Variants in KLF12 observed in about 807,000 individuals in gnomAD.
KLF12 encodes KLF transcription factor 12, also known as Krueppel-like factor 12.
KLF12 carries 9 observed loss-of-function variants against 37.8 expected under a neutral mutation model. That is an observed-to-expected ratio of 0.24 (90% CI 0.14 to 0.42). The LOEUF is 0.42. Among genes scored for constraint, KLF12 ranks in the 10% least tolerant of loss-of-function variants. The pLI is 1.00. For synonymous variants in KLF12, 208 were observed against 202.1 expected, an observed-to-expected ratio of 1.03 and a Z score of -0.25; for missense variants, 411 against 516.0, an observed-to-expected ratio of 0.80 and a Z score of 1.97.
At chr13:74,283,986 T>C in the KLF12 span, among the ~76,000 whole-genome samples, 1 of 151,708 alleles carries the variant, frequency 6.6e-6, no homozygotes. Context: ...CAGCCTCCCG[T>C]AGCTGGGATT....
chr13:74,134,239 T>C (rs1026875197), upstream of KLF12, among the ~76,000 whole-genome samples: 1 of 150,796 alleles, frequency 6.6e-6, no homozygotes, highest in Non-Finnish European at 1.5e-5. Context: ...CGGGTCCTCC[T>C]CCCCAGAAAC....
intron 5 of KLF12, 32 bp from the exon 6 acceptor site, chr13:73,765,032 A>C (rs1323746742): frequency 7.5e-7 from 1 of 1,328,694 alleles, no homozygotes; most frequent in Non-Finnish European, 1.1e-6. Flanking sequence ...CCAGTCATTG[A>C]AAAAGCATAT....
chr13:74,153,271 C>T, the KLF12 span, among the ~76,000 whole-genome samples: 25 of 152,240 alleles, frequency 1.6e-4, no homozygotes, highest in East Asian at 3.5e-3. Context: ...GTTTCAAATC[C>T]GTCAGCTCAT....
upstream of KLF12, among the ~76,000 whole-genome samples, chr13:74,134,834 C>T (rs1372631568): frequency 1.3e-5 from 2 of 152,018 alleles, no homozygotes; most frequent in African/African-American, 2.4e-5. Flanking sequence ...GGCCCCCACC[C>T]CTCGCCGCAC....
the KLF12 span, among the ~76,000 whole-genome samples, chr13:74,230,166 C>T: frequency 6.6e-6 from 1 of 152,126 alleles, no homozygotes; most frequent in Non-Finnish European, 1.5e-5. Flanking sequence ...GGCAGTTCCC[C>T]TGATGCTATT....
At chr13:73,992,666 A>G (rs1891999758) in intron 2 of KLF12, among the ~76,000 whole-genome samples, 1 of 152,242 alleles carries the variant, frequency 6.6e-6, no homozygotes. Context: ...CGTACAAAAC[A>G]GTTGTAAAAG....
intron 5 of KLF12, among the ~76,000 whole-genome samples, chr13:73,810,982 C>CTTTTT (rs376490803): frequency 1.2e-3 from 54 of 44,804 alleles, no homozygotes; most frequent in Admixed American, 1.6e-3. Context: ...ATTTTTCTTT[C>CTTTTT]TTTTTTTTTT....
chr13:73,897,826 A>G (rs188900112), intron 3 of KLF12, among the ~76,000 whole-genome samples: 46 of 152,328 alleles, frequency 3.0e-4, no homozygotes, highest in African/African-American at 1.1e-3. Context: ...GCCTCTATTA[A>G]AAAATGTTTT....
chr13:73,874,341 CCT>C (rs1886605243), intron 3 of KLF12, among the ~76,000 whole-genome samples: 1 of 152,136 alleles, frequency 6.6e-6, no homozygotes, highest in Non-Finnish European at 1.5e-5. Context: ...TGACACTTCC[CCT>C]GTGAAACATT....
chr13:73,762,038 A>G (rs1307853450), intron 6 of KLF12, among the ~76,000 whole-genome samples: 3 of 152,194 alleles, frequency 2.0e-5, no homozygotes, highest in Non-Finnish European at 4.4e-5. Flanking sequence ...AATTAATTCA[A>G]TACTAAATGA....
intron 5 of KLF12, among the ~76,000 whole-genome samples, chr13:73,803,772 T>TCACACACACACA (rs4053528): frequency 5.6e-5 from 8 of 141,950 alleles, no homozygotes; most frequent in South Asian, 2.4e-4. Context: ...TACTGCAGAG[T>TCACACACACACA]CACACACACA....
the KLF12 span, among the ~76,000 whole-genome samples, chr13:74,293,558 G>T: frequency 0.066 from 10,060 of 152,170 alleles, 761 homozygotes; most frequent in African/African-American, 0.18. Context: ...AGATCTTTCT[G>T]TTCTCTTTCT....
At chr13:73,750,847 G>T (rs1465867321) in intron 6 of KLF12, among the ~76,000 whole-genome samples, 2 of 152,180 alleles carry the variant, frequency 1.3e-5, no homozygotes, top group Non-Finnish European at 2.9e-5. Flanking sequence ...TTTGGGAAAT[G>T]TAACAAGTTC....
At chr13:73,914,348 C>T (rs1167345058) in intron 3 of KLF12, among the ~76,000 whole-genome samples, 4 of 152,214 alleles carry the variant, frequency 2.6e-5, no homozygotes, top group Non-Finnish European at 4.4e-5. Flanking sequence ...TGCAGGCGTT[C>T]ATCAGCAGGG....
At chr13:74,255,444 T>C in the KLF12 span, among the ~76,000 whole-genome samples, 1 of 152,250 alleles carries the variant, frequency 6.6e-6, no homozygotes, top group East Asian at 1.9e-4. Context: ...ATCAATTAAA[T>C]GACATTTTGC....
At chr13:74,141,129 A>G in the KLF12 span, among the ~76,000 whole-genome samples, 1 of 152,138 alleles carries the variant, frequency 6.6e-6, no homozygotes, top group Non-Finnish European at 1.5e-5. Flanking sequence ...ATTGGACTGC[A>G]GATCAAGAAA....
the KLF12 span, among the ~76,000 whole-genome samples, chr13:74,234,364 C>G: frequency 6.6e-6 from 1 of 152,090 alleles, no homozygotes; most frequent in Non-Finnish European, 1.5e-5. Flanking sequence ...CTCTAACTTG[C>G]AAAAACTGTG....
At chr13:74,225,137 A>G in the KLF12 span, among the ~76,000 whole-genome samples, 1 of 152,154 alleles carries the variant, frequency 6.6e-6, no homozygotes, top group Non-Finnish European at 1.5e-5. Flanking sequence ...ACTCAGATAC[A>G]GGAATGTTTT....
chr13:73,965,448 C>G (rs1393639515), intron 2 of KLF12, among the ~76,000 whole-genome samples: 1 of 152,130 alleles, frequency 6.6e-6, no homozygotes, highest in Admixed American at 6.5e-5. Context: ...ATTCCAGCCT[C>G]TAATTACCTC....
Sources: gnomAD v4.1 joint callset for allele counts (sites outside exome capture counted in the v4.1 genomes callset) on GRCh38, gnomAD v4.1.1 for gene constraint, MANE v1.5 for transcripts, NCBI Gene and HGNC (gene_info 2026-07-23, HGNC 2026-07-21) for gene names.